Variants in ARSL observed in about 807,000 individuals in gnomAD.
ARSL encodes the protein arylsulfatase E (chondrodysplasia punctata 1).
ARSL carries 4 observed loss-of-function variants against 31.1 expected under a neutral mutation model. The ratio of observed to expected loss-of-function variants is 0.13; its 90% confidence interval spans 0.06 to 0.29. The LOEUF is 0.29. Ranked by LOEUF, ARSL falls within the 10% of genes least tolerant of loss-of-function variation. The pLI is 1.00. For synonymous variants in ARSL, 198 were observed against 209.9 expected (o/e 0.94, Z 0.49); for missense variants, 312 against 497.8 (o/e 0.63, Z 3.55).
intron 1 of ARSL, among the ~76,000 whole-genome samples, chrX:2,962,844 G>A (rs187608623): frequency 8.3e-4 from 92 of 111,393 alleles, no homozygotes; most frequent in African/African-American, 2.8e-3. Context: ...AGATAGATGC[G>A]TATCTGATTG....
rs759305139 is a variant in ARSL, at chrX:2,943,176, C to A, written c.1015G>T (p.Val339Leu). The change falls in exon 8 of 11, where the codon GTG becomes TTG. Residue 339 changes from valine (V) to leucine (L), a missense_variant. Coordinates refer to ENST00000381134, the MANE Select transcript of ARSL (RefSeq NM_000047.3). ...AGGGTGCTGTTGCTCAAACCCTCCA[C>A]GTCCAAAGTGTCAAGGATCCGTCCT... Reference protein sequence around the residue: ...MVGRILDTLDVEGLSNSTLIY... With the variant: ...MVGRILDTLDLEGLSNSTLIY... 5.0e-6 allele frequency: 6 copies of A among 1,209,000 alleles called. No homozygotes were observed. In the South Asian group the frequency reaches 1.1e-4, roughly 21 times the overall value.
In ARSL at chrX:2,943,219, T is replaced by C; in HGVS notation, c.992-20A>G. 8.3e-7 allele frequency: 1 copy of C among 1,209,446 alleles called. No individual in the cohort carries two copies. Among genetic ancestry groups the C allele is most frequent in the Non-Finnish European group, 1.1e-6 (1 of 894,803 alleles). On this transcript the variant is annotated intron_variant, in intron 7 of 10. Coordinates refer to ENST00000381134, the MANE Select transcript of ARSL (RefSeq NM_000047.3). The stretch of plus-strand genomic sequence containing the variant: ...TCCGTCCTGCAAAGAACAGATGTTT[T>C]TGGGGCCGTCGAAATGGAAAAATAT...
chrX:2,942,679 T>C (rs1569101390), intron 8 of ARSL, among the ~76,000 whole-genome samples: 1 of 111,807 alleles, frequency 8.9e-6, no homozygotes. Flanking sequence ...TTAGAAGAAG[T>C]TCATCACTAA....
At chrX:2,961,236 C>T (rs1002775640) in intron 1 of ARSL, among the ~76,000 whole-genome samples, 6 of 111,014 alleles carry the variant, frequency 5.4e-5, no homozygotes, top group Admixed American at 9.6e-5. Flanking sequence ...CCCTCAGTCT[C>T]GCCGAGAAGT....
intron 2 of ARSL, among the ~76,000 whole-genome samples, chrX:2,960,144 C>T (rs2147408039): frequency 1.2e-5 from 1 of 86,912 alleles, no homozygotes; most frequent in Admixed American, 1.2e-4. Flanking sequence ...TGGCAGGCGC[C>T]TGTAGTCCCA....
intron 7 of ARSL, among the ~76,000 whole-genome samples, chrX:2,944,368 T>C (rs771498273): frequency 1.3e-4 from 14 of 106,524 alleles, no homozygotes; most frequent in East Asian, 5.9e-4. Context: ...GCAGGAGAAT[T>C]GCTTGAACCC....
chrX:2,951,655 A>G (rs2089463581), intron 5 of ARSL, among the ~76,000 whole-genome samples: 1 of 106,503 alleles, frequency 9.4e-6, no homozygotes, highest in African/African-American at 3.4e-5. Flanking sequence ...GAAAAAATTA[A>G]CCGGGCATGG....
chrX:2,948,853 T>C lies in ARSL; in HGVS notation c.854+451A>G, dbSNP rs149021410. Among the ~76,000 whole-genome samples the C allele has an allele frequency of 5.7e-3, 637 of 111,331 alleles. 5 individuals are homozygous for C. The highest frequency in any genetic ancestry group is 0.019 in the African/African-American group (584 of 30,663). ...ACAGGGCTCCACTGACCCTCATCTA[T>C]GCCCCATTCTTACCAAAAAATTGTC... On this transcript the variant is annotated intron_variant, in intron 6 of 10. Coordinates refer to ENST00000381134, the MANE Select transcript of ARSL (RefSeq NM_000047.3).
chrX:2,944,228 G>A (rs2089328049), intron 7 of ARSL, among the ~76,000 whole-genome samples: 1 of 108,895 alleles, frequency 9.2e-6, no homozygotes, highest in East Asian at 2.9e-4. Flanking sequence ...GGCTGAGGCG[G>A]GCGGATCACA....
At position 2,934,970 on chromosome X, in the gene ARSL, C is replaced by G. The variant is rs751521450; in HGVS notation, c.1632G>C (p.Ala544=). 5 of 1,211,099 alleles carry G rather than the reference C, an allele frequency of 4.1e-6. No individual in the cohort carries two copies. In the South Asian group the frequency reaches 5.3e-5, roughly 13 times the overall value. ...TGAGTGTCCGCTGGTGTTCCCACAC[C>G]GCCTGCTGGACTCGTTCCATCACCT... is the stretch of plus-strand genomic sequence containing the variant. ...FYQVMERVQQ[A]VWEHQRTLSP... The change falls in exon 11 of 11, where the codon GCG becomes GCC. Residue 544 remains alanine, a synonymous_variant. Coordinates refer to ENST00000381134, the MANE Select transcript of ARSL (RefSeq NM_000047.3).
rs1291389166 is a variant in ARSL, at chrX:2,959,573, A to T, written c.23+805T>A. On this transcript the variant is annotated intron_variant, in intron 2 of 10. Coordinates refer to ENST00000381134, the MANE Select transcript of ARSL (RefSeq NM_000047.3). ...CCTGATTTTCCCTGGAAAACCAGAC[A>T]CCTGGCCGATGGTAGCGGTTGATGC... 4.4e-6 allele frequency: 5 copies of T among 1,131,961 alleles called. No individual in the cohort carries two copies. In the African/African-American group the frequency reaches 7.3e-5, roughly 17 times the overall value. 93.3% of individuals were successfully genotyped at this position (1,131,961 alleles called of 1,213,427 possible). A position where few individuals can be genotyped will look rare whatever the true frequency, so the allele number is the denominator to read the frequency against.
chrX:2,960,158 A>G (rs1255805705), intron 2 of ARSL, among the ~76,000 whole-genome samples: 1 of 83,203 alleles, frequency 1.2e-5, no homozygotes, highest in East Asian at 3.3e-4. Context: ...AGTCCCAGCT[A>G]CTCGGGAGGC....
intron 7 of ARSL, among the ~76,000 whole-genome samples, chrX:2,945,704 C>T (rs958098960): frequency 2.7e-5 from 3 of 111,422 alleles, no homozygotes; most frequent in Middle Eastern, 4.2e-3. Context: ...AAGATTAGGA[C>T]GTGGATGTCT....
intron 1 of ARSL, among the ~76,000 whole-genome samples, chrX:2,960,862 C>T (rs1052249122): frequency 3.6e-5 from 4 of 110,959 alleles, no homozygotes; most frequent in Admixed American, 9.6e-5. Flanking sequence ...AAGGGGGAAG[C>T]GGGGAAAGAT....
At chrX:2,948,751 G>A (rs1407327802) in intron 6 of ARSL, among the ~76,000 whole-genome samples, 2 of 110,431 alleles carry the variant, frequency 1.8e-5, no homozygotes, top group Non-Finnish European at 3.8e-5. Flanking sequence ...TCAGTCTCCC[G>A]AGTAGCTGGG....
rs766004594 is a variant in ARSL at position 2,957,462 on chromosome X, A to T, written c.185+812T>A. Among the ~76,000 whole-genome samples the T allele has an allele frequency of 2.6e-4, 29 of 110,295 alleles. No homozygotes were observed. The East Asian group carries it at 3.8e-3, about 14-fold the overall frequency. Reference sequence around the variant, plus strand: ...AGTGGCTCACACCTGTAGTCCCAGCACTTTGGGAGGCTGAAGCGGGTGAAT... The same window carrying T: ...AGTGGCTCACACCTGTAGTCCCAGCTCTTTGGGAGGCTGAAGCGGGTGAAT... On this transcript the variant is annotated intron_variant, in intron 3 of 10. Transcript: ENST00000381134.
intron 8 of ARSL, among the ~76,000 whole-genome samples, chrX:2,942,760 A>T (rs2089297960): frequency 9.0e-6 from 1 of 111,427 alleles, no homozygotes; most frequent in Non-Finnish European, 1.9e-5. Flanking sequence ...GAACTTTGTA[A>T]TTTTGAGTTG....
intron 8 of ARSL, among the ~76,000 whole-genome samples, chrX:2,942,593 C>T (rs2089296494): frequency 8.9e-6 from 1 of 111,760 alleles, no homozygotes; most frequent in Admixed American, 9.5e-5. Flanking sequence ...TGCCCGGCCA[C>T]CTGGACCCAT....
chrX:2,960,804 G>A (rs969347780), intron 1 of ARSL, among the ~76,000 whole-genome samples: 1 of 111,226 alleles, frequency 9.0e-6, no homozygotes, highest in African/African-American at 3.3e-5. Flanking sequence ...GCCCAGGGCA[G>A]GGGTGATTCC....
Sources: allele counts gnomAD v4.1 joint callset (sites outside exome capture counted in the v4.1 genomes callset), GRCh38; gene constraint gnomAD v4.1.1; transcripts MANE v1.5; gene names NCBI Gene and HGNC (gene_info 2026-07-23, HGNC 2026-07-21).